The following ADGRE1 variants were observed in gnomAD, a reference collection of about 807,000 sequenced individuals.
ADGRE1 encodes adhesion G protein-coupled receptor E1, also known as EGF-like module receptor 1.
A neutral mutation model predicts 102.7 loss-of-function variants in ADGRE1; 82 were observed. The observed-to-expected ratio is 0.80, with a 90% CI of 0.67 to 0.96. The LOEUF (loss-of-function observed/expected upper bound fraction) is 0.96. Among genes scored for constraint, ADGRE1 ranks in the 40% least tolerant of loss-of-function variants. The probability of loss-of-function intolerance (pLI) is 0.00; values close to 1 mark genes in which losing one functional copy is unlikely to be tolerated. For synonymous variants in ADGRE1, 398 were observed against 399.6 expected (o/e 1.00, Z 0.05); for missense variants, 1,032 against 1,085.3 (o/e 0.95, Z 0.69).
chr19:6,905,223 T>C (rs1325944831), intron 8 of ADGRE1, among the ~76,000 whole-genome samples: 1 of 152,076 alleles, frequency 6.6e-6, no homozygotes, highest in Non-Finnish European at 1.5e-5. Context: ...TAGCATGGGC[T>C]TGTAGTCCTA....
chr19:6,935,134 A>G (rs1352478556), intron 18 of ADGRE1, 56 bp downstream of exon 18: 2 of 1,452,966 alleles, frequency 1.4e-6, no homozygotes, highest in Non-Finnish European at 1.9e-6. Flanking sequence ...TTCTTCCCAG[A>G]AAAGTTCTTT....
chr19:6,906,293 T>C (rs1291268322), intron 8 of ADGRE1, 140 bp from the exon 9 acceptor site: 2 of 660,738 alleles, frequency 3.0e-6, no homozygotes, highest in Non-Finnish European at 5.3e-6. Context: ...GTAGTTGTGG[T>C]TTGTTCATTT....
In ADGRE1 at chr19:6,924,754, C is replaced by T. The variant is rs777046885; in HGVS notation, c.1868C>T (p.Thr623Ile). ...SLVCLVLAIATFLLCRSIRNH... is the reference protein window; with the variant it reads ...SLVCLVLAIAIFLLCRSIRNH... The stretch of plus-strand genomic sequence containing the variant: ...GTGTGCCTCGTCTTGGCCATCGCCA[C>T]CTTTCTGCTGTGTCGCTCCATCCGA... Residue 623 changes from threonine (T) to isoleucine (I), a missense_variant, in exon 15 of 21, where the codon ACC (threonine) becomes ATC (isoleucine). By Grantham distance (89) the Thr-to-Ile change is moderately conservative. Transcript: ENST00000312053. 6.2e-7 allele frequency: 1 copy of T among 1,614,180 alleles called. No homozygotes were observed. The highest frequency in any genetic ancestry group is 2.2e-5 in the East Asian group (1 of 44,872).
At chr19:6,897,071 CTTTTT>C (rs11397719) in intron 3 of ADGRE1, 73 bp from the exon 4 acceptor site, 430 of 776,944 alleles carry the variant, frequency 5.5e-4, no homozygotes, top group South Asian at 7.3e-4. Context: ...ATTGTTTTAA[CTTTTT>C]TTTTTTTTTT....
chr19:6,901,054 A>G (rs2144905339), intron 5 of ADGRE1, among the ~76,000 whole-genome samples: 1 of 152,244 alleles, frequency 6.6e-6, no homozygotes, highest in Middle Eastern at 3.4e-3. Flanking sequence ...GGAATGGATC[A>G]CCCCACTCTG....
intron 3 of ADGRE1, chr19:6,896,755 C>T (rs1599714830): frequency 5.4e-6 from 3 of 553,502 alleles, no homozygotes; most frequent in Non-Finnish European, 9.2e-6. Context: ...GCTAGTGTTG[C>T]TAGCAAACAT....
intron 9 of ADGRE1, among the ~76,000 whole-genome samples, chr19:6,906,982 A>G (rs570803889): frequency 1.3e-5 from 2 of 152,186 alleles, no homozygotes; most frequent in Non-Finnish European, 2.9e-5. Context: ...ACGGGAGAAT[A>G]TATTGGAGTC....
intron 10 of ADGRE1, 87 bp downstream of exon 10, chr19:6,908,859 C>A: frequency 8.0e-7 from 1 of 1,257,742 alleles, no homozygotes; most frequent in Non-Finnish European, 1.1e-6. Context: ...TATGGCTGGG[C>A]GTGGTGGCTC....
At chr19:6,911,743 C>T (rs1319104567) in intron 10 of ADGRE1, among the ~76,000 whole-genome samples, 1 of 151,490 alleles carries the variant, frequency 6.6e-6, no homozygotes, top group Non-Finnish European at 1.5e-5. Context: ...CACACATGCA[C>T]ACACAGTATG....
chr19:6,905,088 T>C (rs1432503577), intron 8 of ADGRE1, among the ~76,000 whole-genome samples: 22 of 151,940 alleles, frequency 1.4e-4, no homozygotes, highest in Non-Finnish European at 1.5e-5. Flanking sequence ...GACATACCTA[T>C]AAACAGCACT....
chr19:6,889,687 CAAAAAAAAAAAA>C (rs1178774112), intron 1 of ADGRE1, among the ~76,000 whole-genome samples: 20 of 41,766 alleles, frequency 4.8e-4, no homozygotes, highest in African/African-American at 1.6e-3. Flanking sequence ...GACTCCATCT[CAAAAAAAAAAAA>C]AAAAAAAAAA....
chr19:6,922,919 T>C (rs1014847543), intron 14 of ADGRE1, among the ~76,000 whole-genome samples: 2 of 151,308 alleles, frequency 1.3e-5, no homozygotes, highest in African/African-American at 4.9e-5. Flanking sequence ...CTACTAAAAA[T>C]ACAAAAAATT....
intron 10 of ADGRE1, among the ~76,000 whole-genome samples, chr19:6,911,692 T>C: frequency 6.6e-6 from 1 of 150,994 alleles, no homozygotes; most frequent in East Asian, 2.0e-4. Context: ...CATACACGTA[T>C]ACACACGTGT....
Position 6,921,726 on chromosome 19 carries a change from T to C in ADGRE1, c.1634T>C (p.Phe545Ser), listed in dbSNP as rs767803068. The change falls in exon 14 of 21, where the codon TTT (phenylalanine) becomes TCT (serine). Residue 545 changes from phenylalanine (F) to serine (S), a missense_variant. Physicochemically the swap from Phe to Ser is radical, Grantham distance 155. Transcript: ENST00000312053. ...TGTTTTTTTTAGCCAAAGCAGAAGT[T>C]TGAGAGGCCCATCTGTGTTTCCTGG... is the stretch of plus-strand genomic sequence containing the variant. ...TLENIQPKQK[F>S]ERPICVSWST... 1.4e-5 allele frequency: 22 copies of C among 1,599,446 alleles called. No homozygotes were observed. Among genetic ancestry groups the C allele is most frequent in the Non-Finnish European group, 1.9e-5 (22 of 1,175,494 alleles).
chr19:6,914,986 T>C (rs1343834868), intron 11 of ADGRE1, among the ~76,000 whole-genome samples: 1 of 141,080 alleles, frequency 7.1e-6, no homozygotes, highest in Non-Finnish European at 1.5e-5. Flanking sequence ...GAGATGGAAA[T>C]GTAGATAAAT....
intron 17 of ADGRE1, among the ~76,000 whole-genome samples, chr19:6,929,295 G>A (rs756728815): frequency 1.3e-5 from 2 of 152,156 alleles, no homozygotes; most frequent in Non-Finnish European, 2.9e-5. Context: ...CTTCTGGCCC[G>A]CAGCAAAGTG....
chr19:6,927,262 C>A (rs1052569474), intron 16 of ADGRE1, among the ~76,000 whole-genome samples: 23 of 142,856 alleles, frequency 1.6e-4, no homozygotes, highest in African/African-American at 4.9e-4. Context: ...CCCTCCCTCC[C>A]TTCCTTCCTT....
intron 15 of ADGRE1, among the ~76,000 whole-genome samples, chr19:6,925,564 T>C (rs1461539904): frequency 6.6e-6 from 1 of 152,210 alleles, no homozygotes; most frequent in Admixed American, 6.5e-5. Context: ...AGGTTAGGGA[T>C]ACTGCTAAGT....
At chr19:6,905,540 A>G (rs1375385880) in intron 8 of ADGRE1, among the ~76,000 whole-genome samples, 1 of 151,794 alleles carries the variant, frequency 6.6e-6, no homozygotes, top group Non-Finnish European at 1.5e-5. Flanking sequence ...TTTAGTAGAG[A>G]TGGGGTTTCA....
Sources: gnomAD v4.1 joint callset for allele counts (sites outside exome capture counted in the v4.1 genomes callset) on GRCh38, gnomAD v4.1.1 for gene constraint, MANE v1.5 for transcripts, NCBI Gene and HGNC (gene_info 2026-07-23, HGNC 2026-07-21) for gene names.